The following FARP1 variants were observed in gnomAD, a reference collection of about 807,000 sequenced individuals.
The protein encoded by FARP1 is FERM, ARHGEF and pleckstrin domain-containing protein 1.
In FARP1, 52 loss-of-function variants were observed where a neutral mutation model predicts 128.8. The ratio of observed to expected loss-of-function variants is 0.40; its 90% CI spans 0.32 to 0.51. FARP1 has a LOEUF of 0.51. Among genes scored for constraint, FARP1 ranks in the 20% least tolerant of loss-of-function variants. FARP1 has a pLI of 0.45. For synonymous variants in FARP1, 580 were observed against 551.8 expected (o/e 1.05, Z -0.72); for missense variants, 1,333 against 1,367.9 (o/e 0.97, Z 0.40).
At chr13:98,373,687 C>T (rs1294012265) in intron 5 of FARP1, among the ~76,000 whole-genome samples, 3 of 152,050 alleles carry the variant, frequency 2.0e-5, no homozygotes, top group Non-Finnish European at 2.9e-5. Context: ...CTGTAGGGCA[C>T]TTTTTGCTGG....
chr13:98,246,317 G>C (rs1366427654), intron 2 of FARP1, among the ~76,000 whole-genome samples: 2 of 67,454 alleles, frequency 3.0e-5, no homozygotes, highest in African/African-American at 1.2e-4. Flanking sequence ...GGATGGTCTC[G>C]ATCTCCTGAC....
intron 19 of FARP1, among the ~76,000 whole-genome samples, chr13:98,437,320 C>T (rs529284579): frequency 1.3e-5 from 2 of 152,232 alleles, no homozygotes; most frequent in East Asian, 3.9e-4. Flanking sequence ...TGCAGGCTCA[C>T]GTCTGGAGCT....
At chr13:98,212,981 G>A (rs1396322924) in intron 1 of FARP1, among the ~76,000 whole-genome samples, 1 of 152,194 alleles carries the variant, frequency 6.6e-6, no homozygotes, top group Non-Finnish European at 1.5e-5. Flanking sequence ...TGTAAAACGA[G>A]AAAGGAATAA....
chr13:98,244,315 A>C (rs1261557460), intron 2 of FARP1, among the ~76,000 whole-genome samples: 10 of 152,194 alleles, frequency 6.6e-5, no homozygotes, highest in African/African-American at 2.4e-4. Flanking sequence ...TAATGTATAC[A>C]ATTTGGTGAG....
intron 2 of FARP1, among the ~76,000 whole-genome samples, chr13:98,309,390 C>G (rs1360324410): frequency 6.6e-6 from 1 of 150,444 alleles, no homozygotes; most frequent in Non-Finnish European, 1.5e-5. Context: ...AGGATGGTCT[C>G]GATCTCCTGA....
At chr13:98,443,431 G>A (rs561190377) in intron 24 of FARP1, among the ~76,000 whole-genome samples, 2 of 152,270 alleles carry the variant, frequency 1.3e-5, no homozygotes, top group South Asian at 2.1e-4. Flanking sequence ...TGTGCCAGAC[G>A]CCAAATGCTC....
intron 2 of FARP1, chr13:98,244,827 T>C: frequency 2.0e-6 from 3 of 1,487,876 alleles, no homozygotes; most frequent in Non-Finnish European, 2.7e-6. Flanking sequence ...ATTTTTCTGC[T>C]GGGTAGGAGT....
At chr13:98,382,726 G>A (rs1889931700) in intron 6 of FARP1, among the ~76,000 whole-genome samples, 1 of 152,080 alleles carries the variant, frequency 6.6e-6, no homozygotes, top group African/African-American at 2.4e-5. Context: ...GCAAAGCTCT[G>A]CCTTCTGTTT....
At chr13:98,333,402 G>C (rs1370283924) in intron 2 of FARP1, among the ~76,000 whole-genome samples, 1 of 147,516 alleles carries the variant, frequency 6.8e-6, no homozygotes, top group Non-Finnish European at 1.5e-5. Context: ...CTTCATACCA[G>C]GTTTGCAAGA....
intron 2 of FARP1, among the ~76,000 whole-genome samples, chr13:98,238,716 T>G (rs1484070164): frequency 6.6e-6 from 1 of 152,162 alleles, no homozygotes; most frequent in Non-Finnish European, 1.5e-5. Context: ...TCCCACCAAG[T>G]CCTTCCCAGG....
At chr13:98,153,389 A>C (rs1363540317) in intron 1 of FARP1, among the ~76,000 whole-genome samples, 2 of 116,460 alleles carry the variant, frequency 1.7e-5, no homozygotes, top group Non-Finnish European at 1.8e-5. Context: ...ATATATAATA[A>C]ATAATACATT....
intron 2 of FARP1, among the ~76,000 whole-genome samples, chr13:98,298,135 C>A (rs371537322): frequency 6.6e-6 from 1 of 152,208 alleles, no homozygotes. Context: ...AGCACGGTGG[C>A]CCTGCGTGTG....
intron 3 of FARP1, among the ~76,000 whole-genome samples, chr13:98,353,783 G>A (rs977088037): frequency 2.0e-5 from 3 of 152,180 alleles, no homozygotes; most frequent in Admixed American, 2.0e-4. Context: ...AGTTTAAAGG[G>A]TTGTATAGCA....
intron 1 of FARP1, among the ~76,000 whole-genome samples, chr13:98,146,880 G>C (rs1212949453): frequency 6.6e-6 from 1 of 152,090 alleles, no homozygotes; most frequent in Non-Finnish European, 1.5e-5. Context: ...TTCTTTTCTT[G>C]TCTTTTAGTG....
At chr13:98,196,871 T>G (rs559637974) in intron 1 of FARP1, among the ~76,000 whole-genome samples, 16 of 152,252 alleles carry the variant, frequency 1.1e-4, no homozygotes, top group Non-Finnish European at 1.8e-4. Context: ...ACTATTTTAT[T>G]ACATACTTTT....
chr13:98,392,698 C>T (rs1315717295), intron 11 of FARP1, among the ~76,000 whole-genome samples: 1 of 152,008 alleles, frequency 6.6e-6, no homozygotes, highest in East Asian at 1.9e-4. Flanking sequence ...CAGATTATTT[C>T]AGTATTTTGT....
intron 16 of FARP1, among the ~76,000 whole-genome samples, chr13:98,421,577 G>A (rs191935263): frequency 1.3e-5 from 2 of 152,298 alleles, no homozygotes; most frequent in African/African-American, 4.8e-5. Flanking sequence ...AGATAACAAG[G>A]CCAGGCAATG....
chr13:98,396,420 G>A (rs1228641061), intron 13 of FARP1: 2 of 399,092 alleles, frequency 5.0e-6, no homozygotes, highest in East Asian at 3.6e-5. Flanking sequence ...GAAGCCGGGG[G>A]TCCTTGGGTG....
chr13:98,153,945 C>G (rs1436723171), intron 1 of FARP1, among the ~76,000 whole-genome samples: 1 of 152,180 alleles, frequency 6.6e-6, no homozygotes, highest in Non-Finnish European at 1.5e-5. Context: ...AGAACATTCC[C>G]TTGTGCTGCA....
Sources: gnomAD v4.1 joint callset for allele counts (sites outside exome capture counted in the v4.1 genomes callset) on GRCh38, gnomAD v4.1.1 for gene constraint, MANE v1.5 for transcripts, NCBI Gene and HGNC (gene_info 2026-07-23, HGNC 2026-07-21) for gene names.